GNAI1: variants seen among roughly 807,000 people sequenced by gnomAD.
The protein encoded by GNAI1 is guanine nucleotide-binding protein G(i) subunit alpha-1.
In GNAI1, 11 loss-of-function variants were observed where a neutral mutation model predicts 38.9. The ratio of observed to expected loss-of-function variants is 0.28; its 90% CI spans 0.18 to 0.47. The LOEUF is 0.47. Ranked by LOEUF, GNAI1 falls within the 20% of genes least tolerant of loss-of-function variation. The probability of loss-of-function intolerance (pLI) is 0.99; values close to 1 mark genes in which losing one functional copy is unlikely to be tolerated. For missense variants in GNAI1, 317 were observed against 436.9 expected (o/e 0.73, Z 2.45); for synonymous variants, 166 against 145.1 (o/e 1.14, Z -1.04).
intron 1 of GNAI1, among the ~76,000 whole-genome samples, chr7:80,146,587 T>C (rs1584005922): frequency 6.6e-6 from 1 of 152,146 alleles, no homozygotes; most frequent in Non-Finnish European, 1.5e-5. Flanking sequence ...AGAAGTAATT[T>C]TGAATCTTTC....
chr7:80,195,069 A>G (rs950913082), intron 3 of GNAI1, among the ~76,000 whole-genome samples: 2 of 151,970 alleles, frequency 1.3e-5, no homozygotes, highest in African/African-American at 4.8e-5. Context: ...GTATTTTTCT[A>G]TCCTCATTTC....
At chr7:80,209,071 C>T (rs1788828465) in intron 5 of GNAI1, among the ~76,000 whole-genome samples, 1 of 152,168 alleles carries the variant, frequency 6.6e-6, no homozygotes, top group Admixed American at 6.5e-5. Context: ...TGTCTTTAAT[C>T]TCCCTATTTC....
chr7:80,157,842 G>T (rs1258925703), intron 1 of GNAI1, among the ~76,000 whole-genome samples: 1 of 152,052 alleles, frequency 6.6e-6, no homozygotes, highest in Non-Finnish European at 1.5e-5. Flanking sequence ...AGGTAGCTGG[G>T]ATTACAGACA....
Position 80,211,114 on chromosome 7 carries a change from T to G in GNAI1, c.720+16T>G, listed in dbSNP as rs1325915970. 1.2e-6 allele frequency: 2 copies of G among 1,609,804 alleles called. No individual in the cohort carries two copies. Among genetic ancestry groups the G allele is most frequent in the Non-Finnish European group, 1.7e-6 (2 of 1,176,724 alleles). On this transcript the variant is annotated intron_variant, in intron 6 of 7. Transcript: ENST00000649796. Reference sequence around the variant, plus strand: ...TGAAGAAATGGCAAGTAGAACTACTTTAAGAGTTGAGCTTGAAACATGAAG... The same window carrying G: ...TGAAGAAATGGCAAGTAGAACTACTGTAAGAGTTGAGCTTGAAACATGAAG...
chr7:80,162,033 AGT>A (rs1414260752), intron 1 of GNAI1, among the ~76,000 whole-genome samples: 4 of 152,126 alleles, frequency 2.6e-5, no homozygotes, highest in African/African-American at 9.7e-5. Flanking sequence ...CCTAACCCAC[AGT>A]GTGATGGCAT....
At chr7:80,164,434 C>A (rs1276855365) in intron 1 of GNAI1, among the ~76,000 whole-genome samples, 3 of 151,630 alleles carry the variant, frequency 2.0e-5, no homozygotes, top group African/African-American at 7.3e-5. Context: ...GTAATCTCGG[C>A]TCACTGCAAG....
At chr7:80,164,408 G>T (rs1230417987) in intron 1 of GNAI1, among the ~76,000 whole-genome samples, 1 of 150,672 alleles carries the variant, frequency 6.6e-6, no homozygotes, top group Admixed American at 6.6e-5. Context: ...TGTCGCCCAG[G>T]CTGGAGTGCA....
At chr7:80,187,252 T>A (rs1278514183) in intron 1 of GNAI1, 1 of 151,034 alleles carries the variant, frequency 6.6e-6, no homozygotes. Flanking sequence ...TTTGTGTGTC[T>A]GGAGAGGGAA....
In GNAI1 at chr7:80,199,325, G is replaced by C; in HGVS notation, c.404G>C (p.Gly135Ala). Residue 135 changes from glycine (G) to alanine (A), a missense_variant, in exon 4 of 8, where the codon GGT becomes GCT. Gly to Ala is a moderately conservative substitution (Grantham distance 60, BLOSUM62 0). Around this residue, in one of 5 missense-constraint regions of GNAI1, gnomAD observed 158 missense variants for 234.7 expected, o/e 0.67. Transcript: ENST00000649796. ...ATAAAGAGATTGTGGAAAGATAGTG[G>C]TGTACAAGCCTGTTTCAACAGATCC... ...GVIKRLWKDS[G>A]VQACFNRSRE... is the part of the protein sequence containing the mutation. 6.2e-7 allele frequency: 1 copy of C among 1,612,982 alleles called. No individual in the cohort carries two copies. The highest frequency in any genetic ancestry group is 8.5e-7 in the Non-Finnish European group (1 of 1,179,162).
chr7:80,136,915 T>C (rs1787425635), intron 1 of GNAI1, among the ~76,000 whole-genome samples: 1 of 152,210 alleles, frequency 6.6e-6, no homozygotes, highest in Non-Finnish European at 1.5e-5. Context: ...CTTTTGCTTA[T>C]GTTCAGAAGA....
Position 80,221,646 on chromosome 7 carries a change from T to C in GNAI1, c.*4153T>C, listed in dbSNP as rs55944206. Among the ~76,000 whole-genome samples the C allele has an allele frequency of 0.094, 12,587 of 134,250 alleles. 698 individuals are homozygous for C. Among genetic ancestry groups the C allele is most frequent in the South Asian group, 0.2 (843 of 4,118 alleles). The allele number at this position is 134,250 out of a possible 152,430, so 88.1% of individuals were successfully genotyped here. A position where few individuals can be genotyped will look rare whatever the true frequency, so the allele number is the denominator to read the frequency against. On this transcript the variant is annotated 3_prime_UTR_variant, in exon 8 of 8. Transcript: ENST00000649796. ...TAGGTTGGAAATTTTCTTTTTTTTT[T>C]TTTTTTTTTTTTTTTGGTATGGAGT...
chr7:80,220,576 G>C lies in GNAI1; in HGVS notation c.*3083G>C, dbSNP rs930687229. Among the ~76,000 whole-genome samples, 1 of 152,188 alleles carries C rather than the reference G, an allele frequency of 6.6e-6. No individual in the cohort carries two copies. Among genetic ancestry groups the C allele is most frequent in the Non-Finnish European group, 1.5e-5 (1 of 68,042 alleles). ...TTGCCATTCTTAAAGTCCCTAAGGC[G>C]CTTGTGGTTTCTAAAATTCTCTTCA... On this transcript the variant is annotated 3_prime_UTR_variant, in exon 8 of 8. Transcript: ENST00000649796.
chr7:80,150,592 G>A (rs913213358), intron 1 of GNAI1, among the ~76,000 whole-genome samples: 8 of 152,306 alleles, frequency 5.3e-5, no homozygotes, highest in African/African-American at 1.9e-4. Flanking sequence ...CTTCTGAGGA[G>A]GCGGAGAGGG....
At chr7:80,201,962 C>G (rs954353697) in intron 4 of GNAI1, among the ~76,000 whole-genome samples, 2 of 152,170 alleles carry the variant, frequency 1.3e-5, no homozygotes, top group Non-Finnish European at 2.9e-5. Flanking sequence ...CACCAATTCA[C>G]ACTTTAAATT....
intron 3 of GNAI1, among the ~76,000 whole-genome samples, chr7:80,194,712 G>T (rs1332550557): frequency 6.6e-6 from 1 of 151,948 alleles, no homozygotes; most frequent in Non-Finnish European, 1.5e-5. Context: ...TGGATTAATC[G>T]TATCTTTTCT....
intron 1 of GNAI1, among the ~76,000 whole-genome samples, chr7:80,137,302 TTTTTCTTTTC>T (rs1787434774): frequency 1.7e-5 from 1 of 60,338 alleles, no homozygotes; most frequent in Admixed American, 2.3e-4. Flanking sequence ...TCTTTTTTTT[TTTTTCTTTTC>T]TTTTCTTTTT....
At chr7:80,180,872 T>A (rs924215862) in intron 1 of GNAI1, among the ~76,000 whole-genome samples, 6 of 152,154 alleles carry the variant, frequency 3.9e-5, no homozygotes, top group African/African-American at 1.4e-4. Flanking sequence ...GTCAGGCCTC[T>A]CATGTCCTGG....
intron 4 of GNAI1, among the ~76,000 whole-genome samples, chr7:80,202,818 A>ACT (rs1270146881): frequency 2.0e-5 from 3 of 152,200 alleles, no homozygotes; most frequent in Non-Finnish European, 4.4e-5. Context: ...TATATAGCTT[A>ACT]CTAGTGGCTT....
intron 3 of GNAI1, among the ~76,000 whole-genome samples, chr7:80,195,114 T>C (rs1345226691): frequency 6.6e-6 from 1 of 151,982 alleles, no homozygotes; most frequent in East Asian, 1.9e-4. Flanking sequence ...CAAGTTCTCT[T>C]GTCAATACCA....
Sources: gnomAD v4.1 joint callset for allele counts (sites outside exome capture counted in the v4.1 genomes callset) on GRCh38, gnomAD v4.1.1 for gene constraint, gnomAD v4.1.1 regional missense constraint, MANE v1.5 for transcripts, NCBI Gene and HGNC (gene_info 2026-07-23, HGNC 2026-07-21) for gene names.